The following ADGRG4 variants were observed in gnomAD, a reference collection of about 807,000 sequenced individuals.
ADGRG4 encodes adhesion G protein-coupled receptor G4, also known as G protein-coupled receptor 112.
Under a neutral mutation model 126.2 loss-of-function variants are expected in ADGRG4, and 122 were observed. That is an observed-to-expected ratio of 0.97 (90% CI 0.83 to 1.12). The LOEUF is 1.12. Ranked by LOEUF, ADGRG4 falls within the 50% of genes most tolerant of loss-of-function variation. ADGRG4 has a pLI of 0.00. For missense variants in ADGRG4, 2,481 were observed against 2,251.8 expected (o/e 1.10, Z -2.06); for synonymous variants, 943 against 838.7 (o/e 1.12, Z -2.15).
chrX:136,377,812 T>C (rs1262732228), intron 15 of ADGRG4, among the ~76,000 whole-genome samples: 1 of 108,216 alleles, frequency 9.2e-6, no homozygotes. Flanking sequence ...TTTGTATAAA[T>C]GTAAGGCTAT....
At chrX:136,315,523 G>A (rs1024199069) in intron 4 of ADGRG4, among the ~76,000 whole-genome samples, 10 of 110,839 alleles carry the variant, frequency 9.0e-5, no homozygotes, top group Non-Finnish European at 1.9e-4. Context: ...AAACACAACT[G>A]ATGCCTCTGG....
chrX:136,401,147 T>C (rs2075377066), intron 21 of ADGRG4, among the ~76,000 whole-genome samples: 1 of 111,925 alleles, frequency 8.9e-6, no homozygotes, highest in African/African-American at 3.3e-5. Flanking sequence ...AGGCAAATAC[T>C]GAACAGATCA....
chrX:136,405,026 A>C (rs1569338935), intron 22 of ADGRG4, among the ~76,000 whole-genome samples: 2 of 112,213 alleles, frequency 1.8e-5, no homozygotes, highest in African/African-American at 3.2e-5. Flanking sequence ...TAAATGGACT[A>C]TCTGTTCATA....
intron 13 of ADGRG4, among the ~76,000 whole-genome samples, chrX:136,366,813 A>G (rs2075161457): frequency 9.0e-6 from 1 of 111,423 alleles, no homozygotes; most frequent in Non-Finnish European, 1.9e-5. Context: ...TCATATGCAT[A>G]TTTTCCATAT....
Position 136,377,179 on chromosome X carries a change from T to TC in ADGRG4, c.7776+4115_7776+4116insC, listed in dbSNP as rs1373856593. On this transcript the variant is annotated intron_variant, in intron 15 of 25. Coordinates refer to ENST00000394143, the MANE Select transcript of ADGRG4 (RefSeq NM_153834.4). Reference sequence around the variant, plus strand: ...CTTGTTTTCTTTCCTTTTTTTTTTTTTTTTTTTTTTTTGTTGTTGTTGTTG... The same window carrying TC: ...CTTGTTTTCTTTCCTTTTTTTTTTTTCTTTTTTTTTTTTGTTGTTGTTGTTG... Among the ~76,000 whole-genome samples, 110 of 90,225 alleles carry TC rather than the reference T, an allele frequency of 1.2e-3. 1 individual carries two copies. Among genetic ancestry groups the TC allele is most frequent in the African/African-American group, 4.8e-3 (106 of 22,125 alleles). 78.3% of individuals were successfully genotyped at this position (90,225 alleles called of 115,157 possible).
chrX:136,319,858 T>C (rs1306155847), intron 4 of ADGRG4, among the ~76,000 whole-genome samples: 2 of 111,312 alleles, frequency 1.8e-5, no homozygotes, highest in Admixed American at 9.6e-5. Flanking sequence ...ATTTTTCTGA[T>C]TATAGGTGTA....
In ADGRG4 at chrX:136,361,545, C is replaced by T; in HGVS notation, c.7235C>T (p.Thr2412Ile). The T allele has an allele frequency of 8.4e-7, 1 of 1,189,189 alleles. No homozygotes were observed. Among genetic ancestry groups the T allele is most frequent in the South Asian group, 1.9e-5 (1 of 52,398 alleles). Residue 2412 changes from threonine to isoleucine, a missense_variant, in exon 12 of 26, where the codon ACC (threonine) becomes ATC (isoleucine). Coordinates refer to ENST00000394143, the MANE Select transcript of ADGRG4 (RefSeq NM_153834.4). ...LLTNPTETAQ[T>I]RCIKNEDGNA... ...ACCAACCCTACGGAGACAGCCCAAACCAGATGCATAAAAAATGAGGATGGA... is the reference window on the plus strand; with the variant it reads ...ACCAACCCTACGGAGACAGCCCAAATCAGATGCATAAAAAATGAGGATGGA...
rs2075019293 is a variant in ADGRG4 at position 136,346,635 on chromosome X, A to G, written c.2929A>G (p.Ser977Gly). 1 of 1,207,728 alleles carries G rather than the reference A, an allele frequency of 8.3e-7. No homozygotes were observed. Among genetic ancestry groups the G allele is most frequent in the South Asian group, 1.8e-5 (1 of 56,738 alleles). Residue 977 changes from serine (S) to glycine (G), a missense_variant, in exon 6 of 26, where the codon AGT (serine) becomes GGT (glycine). Physicochemically the swap from Ser to Gly is moderately conservative, Grantham distance 56. Coordinates refer to ENST00000394143, the MANE Select transcript of ADGRG4 (RefSeq NM_153834.4). ...GASTTRISET[S>G]FSTTPTDRTA... ...TTCTACCACAAGGATATCAGAAACC[A>G]GTTTCTCCACTACCCCTACAGACAG...
chrX:136,340,560 G>C (rs1025473561), intron 5 of ADGRG4, among the ~76,000 whole-genome samples: 1 of 111,623 alleles, frequency 9.0e-6, no homozygotes, highest in Non-Finnish European at 1.9e-5. Flanking sequence ...AGCACTTGCA[G>C]AACTTGGCAT....
At chrX:136,400,202 A>G in intron 21 of ADGRG4, 86 bp downstream of exon 21, 2 of 804,271 alleles carry the variant, frequency 2.5e-6, no homozygotes, top group Non-Finnish European at 1.8e-6. Flanking sequence ...TTAATATCAT[A>G]GGTAAAAAAT....
intron 10 of ADGRG4, among the ~76,000 whole-genome samples, 198 bp downstream of exon 10, chrX:136,357,954 G>A (rs1348013165): frequency 8.9e-6 from 1 of 112,405 alleles, no homozygotes; most frequent in Non-Finnish European, 1.9e-5. Context: ...GCACAGGCTA[G>A]CGGCCAGCCT....
chrX:136,319,718 T>TCTAA (rs1295721141), intron 4 of ADGRG4, among the ~76,000 whole-genome samples: 1 of 108,482 alleles, frequency 9.2e-6, no homozygotes, highest in Non-Finnish European at 1.9e-5. Flanking sequence ...TATCTATCTA[T>TCTAA]CTATCTATCT....
Position 136,322,943 on chromosome X carries a change from A to T in ADGRG4, c.236A>T (p.Asn79Ile), listed in dbSNP as rs778913939. ...RYWMAFSYIT[N>I]NALLGREDID... ...TGGATGGCCTTCTCTTATATTACTAATAACGCCCTCCTGGGCAGAGAAGAC... is the reference window on the plus strand; with the variant it reads ...TGGATGGCCTTCTCTTATATTACTATTAACGCCCTCCTGGGCAGAGAAGAC... Residue 79 changes from asparagine (N) to isoleucine (I), a missense_variant, in exon 5 of 26, where the codon AAT becomes ATT. Transcript: ENST00000394143. 21 of 1,209,105 alleles carry T rather than the reference A, an allele frequency of 1.7e-5. No individual in the cohort carries two copies. The highest frequency in any genetic ancestry group is 2.2e-5 in the Non-Finnish European group (20 of 894,237).
At chrX:136,328,338 C>T (rs1030214683) in intron 5 of ADGRG4, among the ~76,000 whole-genome samples, 4 of 111,535 alleles carry the variant, frequency 3.6e-5, no homozygotes, top group South Asian at 3.7e-4. Context: ...TTGAAGCAAC[C>T]GTAAAGAAAT....
chrX:136,375,491 C>A (rs2075220054), intron 15 of ADGRG4, among the ~76,000 whole-genome samples: 1 of 112,387 alleles, frequency 8.9e-6, no homozygotes, highest in African/African-American at 3.2e-5. Context: ...TATTAATTTA[C>A]ATTCCCACCA....
At chrX:136,367,485 A>G (rs1334792174) in intron 13 of ADGRG4, among the ~76,000 whole-genome samples, 1 of 112,413 alleles carries the variant, frequency 8.9e-6, no homozygotes, top group Non-Finnish European at 1.9e-5. Flanking sequence ...TTGTGCAAGA[A>G]AAAGTTAATA....
In ADGRG4 at chrX:136,416,621, C is replaced by A; in HGVS notation, c.*130C>A. The A allele has an allele frequency of 2.5e-6, 1 of 405,479 alleles. No individual in the cohort carries two copies. The highest frequency in any genetic ancestry group is 8.0e-5 in the South Asian group (1 of 12,459). The allele number at this position is 405,479 out of a possible 1,213,427, so 33.4% of individuals were successfully genotyped here. On this transcript the variant is annotated 3_prime_UTR_variant, in exon 26 of 26. Coordinates refer to ENST00000394143, the MANE Select transcript of ADGRG4 (RefSeq NM_153834.4). The stretch of plus-strand genomic sequence containing the variant: ...ACAAATCACCACTAAATAATGTACT[C>A]ATGTAACCAAATGCTACCTGTTCCA...
intron 3 of ADGRG4, among the ~76,000 whole-genome samples, 162 bp from the exon 4 acceptor site, chrX:136,308,607 G>T (rs1319107020): frequency 2.3e-4 from 26 of 111,823 alleles, no homozygotes; most frequent in Non-Finnish European, 5.6e-5. Flanking sequence ...AGCCAGGCTG[G>T]GTATCTCTGG....
In ADGRG4 at chrX:136,387,773, T is replaced by A. The variant is rs2075299912; in HGVS notation, c.7810T>A (p.Leu2604Met). 1.7e-6 allele frequency: 2 copies of A among 1,208,502 alleles called. No individual in the cohort carries two copies. Among genetic ancestry groups the A allele is most frequent in the Admixed American group, 4.4e-5 (2 of 45,896 alleles). The change falls in exon 16 of 26, where the codon TTG (leucine) becomes ATG (methionine). Residue 2604 changes from leucine to methionine, a missense_variant. By Grantham distance (15) the Leu-to-Met change is conservative. Transcript: ENST00000394143. ...AGGCAATGTCCCTGTGGGAGGGATTTTGGCTTCCATATATTTGCCTAAATC... is the reference window on the plus strand; with the variant it reads ...AGGCAATGTCCCTGTGGGAGGGATTATGGCTTCCATATATTTGCCTAAATC... The part of the protein sequence containing the change: ...FLGNVPVGGI[L>M]ASIYLPKSLT...
Sources: allele counts gnomAD v4.1 joint callset (sites outside exome capture counted in the v4.1 genomes callset), GRCh38; gene constraint gnomAD v4.1.1; transcripts MANE v1.5; gene names NCBI Gene and HGNC (gene_info 2026-07-23, HGNC 2026-07-21).